Variants in LAMA4 observed in about 807,000 individuals in gnomAD.
The protein encoded by LAMA4 is laminin subunit alpha 4.
Under a neutral mutation model 207.1 loss-of-function variants are expected in LAMA4, and 127 were observed. The ratio of observed to expected loss-of-function variants is 0.61; its 90% CI spans 0.53 to 0.71. The LOEUF is 0.71. Ranked by LOEUF, LAMA4 falls within the 30% of genes least tolerant of loss-of-function variation. The pLI, the probability that LAMA4 is intolerant of heterozygous loss-of-function variation, is 0.00. For synonymous variants in LAMA4, 761 were observed against 816.0 expected, an observed-to-expected ratio of 0.93 and a Z score of 1.15; for missense variants, 2,093 against 2,246.5, an observed-to-expected ratio of 0.93 and a Z score of 1.38.
chr6:112,244,336 T>C (rs1786752862), intron 2 of LAMA4, among the ~76,000 whole-genome samples: 1 of 152,160 alleles, frequency 6.6e-6, no homozygotes, highest in Admixed American at 6.5e-5. Context: ...CCATGAAATG[T>C]CTGGAAGTTA....
At chr6:112,124,538 T>G (rs1400252448) in intron 31 of LAMA4, among the ~76,000 whole-genome samples, 6 of 152,210 alleles carry the variant, frequency 3.9e-5, no homozygotes, top group Non-Finnish European at 8.8e-5. Flanking sequence ...GAGACTCAGT[T>G]TATTATCCTA....
At chr6:112,200,970 G>A (rs1278572659) in intron 5 of LAMA4, among the ~76,000 whole-genome samples, 5 of 151,304 alleles carry the variant, frequency 3.3e-5, no homozygotes, top group African/African-American at 9.7e-5. Context: ...ACCATGGCAC[G>A]TGTATACCTA....
intron 38 of LAMA4, among the ~76,000 whole-genome samples, chr6:112,113,564 T>C (rs1345956610): frequency 1.3e-5 from 2 of 152,210 alleles, no homozygotes; most frequent in African/African-American, 4.8e-5. Flanking sequence ...TGACTGATGA[T>C]GTTTACAGAA....
At chr6:112,174,189 C>T (rs1781882954) in intron 11 of LAMA4, among the ~76,000 whole-genome samples, 1 of 152,192 alleles carries the variant, frequency 6.6e-6, no homozygotes, top group African/African-American at 2.4e-5. Context: ...TGGTCTTGAT[C>T]AGTAAAATGG....
intron 18 of LAMA4, among the ~76,000 whole-genome samples, chr6:112,146,415 C>G (rs1445113895): frequency 2.0e-5 from 3 of 152,090 alleles, no homozygotes; most frequent in African/African-American, 7.2e-5. Context: ...GGTTCCCAGA[C>G]AAGCAGCAGC....
chr6:112,242,289 A>C (rs1460829889), intron 2 of LAMA4, among the ~76,000 whole-genome samples: 2 of 152,196 alleles, frequency 1.3e-5, no homozygotes, highest in African/African-American at 4.8e-5. Flanking sequence ...TCAAAGTAGC[A>C]GTTTGCTTTG....
chr6:112,141,293 T>G, intron 21 of LAMA4, 65 bp downstream of exon 21: 2 of 1,395,818 alleles, frequency 1.4e-6, no homozygotes, highest in Non-Finnish European at 2.0e-6. Context: ...TGCACGCACA[T>G]GTGCACGTTC....
intron 2 of LAMA4, among the ~76,000 whole-genome samples, chr6:112,247,568 C>A (rs2114432943): frequency 6.6e-6 from 1 of 152,292 alleles, no homozygotes; most frequent in Admixed American, 6.5e-5. Context: ...GAGGTGGCTG[C>A]CACTCTGGAA....
In LAMA4 at chr6:112,118,132, A is replaced by T. The variant is rs927329713; in HGVS notation, c.4822-234T>A. ...TAGTAATTAAGCTATGGACATTTTTATGTTACACTTTGACACAATAAGTTG... is the reference window on the plus strand; with the variant it reads ...TAGTAATTAAGCTATGGACATTTTTTTGTTACACTTTGACACAATAAGTTG... On this transcript the variant is annotated intron_variant, in intron 34 of 38. Coordinates refer to ENST00000230538, the MANE Select transcript of LAMA4 (RefSeq NM_001105206.3). The surrounding 1 kb of genome is among the most constrained non-coding windows in gnomAD (Gnocchi z 4.6). Among the ~76,000 whole-genome samples, 1 of 152,210 alleles carries T rather than the reference A, an allele frequency of 6.6e-6. No homozygotes were observed. The highest frequency in any genetic ancestry group is 1.5e-5 in the Non-Finnish European group (1 of 68,032).
chr6:112,132,604 A>G, intron 28 of LAMA4, 149 bp downstream of exon 28: 1 of 719,098 alleles, frequency 1.4e-6, no homozygotes, highest in South Asian at 1.8e-5. Flanking sequence ...ATATTTTATA[A>G]AGTGTTTGAA....
rs587689017 is a variant in LAMA4, at chr6:112,118,342, T to A, written c.4822-444A>T. On this transcript the variant is annotated intron_variant, in intron 34 of 38. Transcript: ENST00000230538. The surrounding 1 kb of genome is among the most constrained non-coding windows in gnomAD (Gnocchi z 4.6). Reference sequence around the variant, plus strand: ...ATGAGCTGTTTTTGTGGTTGAGAATTTATCATATCACAGGACATGAAACTT... The same window carrying A: ...ATGAGCTGTTTTTGTGGTTGAGAATATATCATATCACAGGACATGAAACTT... 5.3e-5 allele frequency among the ~76,000 whole-genome samples: 8 copies of A among 152,278 alleles called. No individual in the cohort carries two copies. In the South Asian group the frequency reaches 1.7e-3, roughly 32 times the overall value.
In LAMA4 at chr6:112,149,235, T is replaced by C. The variant is rs529465075; in HGVS notation, c.2174-899A>G. Among the ~76,000 whole-genome samples, 5 of 152,250 alleles carry C rather than the reference T, an allele frequency of 3.3e-5. No individual in the cohort carries two copies. In the East Asian group the frequency reaches 9.6e-4, roughly 29 times the overall value. On this transcript the variant is annotated intron_variant, in intron 17 of 38. Transcript: ENST00000230538. ...GATAAATGCTAGTTTCAATCCTGAA[T>C]CTGCTTCTTACTGGCTGTGCCTGTT...
intron 31 of LAMA4, among the ~76,000 whole-genome samples, chr6:112,127,498 G>A (rs1486569655): frequency 6.6e-6 from 1 of 151,940 alleles, no homozygotes; most frequent in Non-Finnish European, 1.5e-5. Context: ...GAATAGTTGG[G>A]AGGCCAGTAT....
chr6:112,189,182 A>G lies in LAMA4; in HGVS notation c.742T>C (p.Cys248Arg). The G allele has an allele frequency of 1.2e-6, 2 of 1,614,070 alleles. No individual in the cohort carries two copies. The highest frequency in any genetic ancestry group is 1.7e-6 in the Non-Finnish European group (2 of 1,179,920). The part of the protein sequence containing the change: ...CAVCNCGGGP[C>R]DSVTGECLEE... ...AAGCATTCTCCGGTTACACTGTCAC[A>G]TGGGCCTCCCCCGCAGTTGCACACT... The change falls in exon 7 of 39, where the codon TGT (cysteine) becomes CGT (arginine). Residue 248 changes from cysteine (C) to arginine (R), a missense_variant. By Grantham distance (180) the Cys-to-Arg change is radical. Around this residue, in one of 3 missense-constraint regions of LAMA4, gnomAD observed 1,704 missense variants for 1,788.4 expected, o/e 0.95. Coordinates refer to ENST00000230538, the MANE Select transcript of LAMA4 (RefSeq NM_001105206.3).
intron 12 of LAMA4, among the ~76,000 whole-genome samples, chr6:112,170,933 T>C (rs945232937): frequency 2.0e-5 from 3 of 152,188 alleles, no homozygotes; most frequent in African/African-American, 7.2e-5. Context: ...CAGGTGAGAT[T>C]ACTGGTTGTG....
At chr6:112,204,474 C>CAAA (rs11287023) in intron 4 of LAMA4, among the ~76,000 whole-genome samples, 8 of 136,064 alleles carry the variant, frequency 5.9e-5, no homozygotes, top group African/African-American at 1.6e-4. Context: ...CTGCTACTGC[C>CAAA]AAAAAAAAAA....
chr6:112,136,144 A>C lies in LAMA4; in HGVS notation c.3393T>G (p.Ile1131Met). 1 of 1,613,214 alleles carries C rather than the reference A, an allele frequency of 6.2e-7. No individual in the cohort carries two copies. Among genetic ancestry groups the C allele is most frequent in the East Asian group, 2.2e-5 (1 of 44,818 alleles). Residue 1131 changes from isoleucine to methionine, a missense_variant, in exon 25 of 39, where the codon ATT becomes ATG. Around this residue, in one of 3 missense-constraint regions of LAMA4, gnomAD observed 1,704 missense variants for 1,788.4 expected, o/e 0.95. Transcript: ENST00000230538. ...HLEDTLKKAQ[I>M]NDAKYHEISI... The stretch of plus-strand genomic sequence containing the variant: ...GTACCTCATGGTATTTTGCATCATT[A>C]ATTTGAGCTTTCTTTAACGTATCTT...
intron 14 of LAMA4, among the ~76,000 whole-genome samples, chr6:112,157,619 CTGTT>C (rs782740636): frequency 6.6e-6 from 1 of 152,168 alleles, no homozygotes; most frequent in African/African-American, 2.4e-5. Context: ...TGCTGGAACA[CTGTT>C]TGTTGCAGAG....
chr6:112,138,558 G>T (rs1254179430), intron 24 of LAMA4, among the ~76,000 whole-genome samples: 2 of 151,882 alleles, frequency 1.3e-5, no homozygotes. Context: ...AAACATTTCT[G>T]TATCATTAAT....
Sources: gnomAD v4.1 joint callset for allele counts (sites outside exome capture counted in the v4.1 genomes callset) on GRCh38, gnomAD v4.1.1 for gene constraint, gnomAD v4.1.1 regional missense constraint, Gnocchi (gnomAD v3.1) non-coding constraint, MANE v1.5 for transcripts, NCBI Gene and HGNC (gene_info 2026-07-23, HGNC 2026-07-21) for gene names.